The following PTPRD variants were observed in gnomAD, a reference collection of about 807,000 sequenced individuals.
PTPRD encodes the protein receptor-type tyrosine-protein phosphatase delta.
A neutral mutation model predicts 214.5 loss-of-function variants in PTPRD; 34 were observed. The observed-to-expected ratio is 0.16, with a 90% confidence interval of 0.12 to 0.21. The LOEUF (loss-of-function observed/expected upper bound fraction) is 0.21, where lower values mean the gene tolerates loss of function less well. PTPRD is among the 10% of genes least tolerant of loss of function. PTPRD has a pLI of 1.00. For missense variants in PTPRD, 2,545 were observed against 2,398.7 expected, an observed-to-expected ratio of 1.06 and a Z score of -1.27; for synonymous variants, 1,128 against 845.7, an observed-to-expected ratio of 1.33 and a Z score of -5.79.
intron 2 of PTPRD, among the ~76,000 whole-genome samples, chr9:10,539,375 G>T (rs555906908): frequency 6.6e-6 from 1 of 152,206 alleles, no homozygotes; most frequent in East Asian, 1.9e-4. Context: ...AGTAGAGACG[G>T]TTTTTTGCCA....
At position 8,359,118 on chromosome 9, in the gene PTPRD, A is replaced by AC. The variant is rs1249789337; in HGVS notation, c.4661+16817_4661+16818insG. Among the ~76,000 whole-genome samples the AC allele has an allele frequency of 2.1e-3, 48 of 22,540 alleles. 3 individuals carry two copies. The highest frequency in any genetic ancestry group is 6.9e-4 in the Admixed American group (1 of 1,454). The allele number at this position is 22,540 out of a possible 152,430, so 14.8% of individuals were successfully genotyped here. A position where few individuals can be genotyped will look rare whatever the true frequency, so the allele number is the denominator to read the frequency against. ...GCGAGACTCCGTCTCAAAAAAAAAA[A>AC]AAAACAAAAAAAAAAAAAAACAAAA... On this transcript the variant is annotated intron_variant, in intron 39 of 45. Coordinates refer to ENST00000381196, the MANE Select transcript of PTPRD (RefSeq NM_002839.4).
intron 5 of PTPRD, among the ~76,000 whole-genome samples, chr9:9,851,778 T>C (rs1203357499): frequency 6.6e-6 from 1 of 152,174 alleles, no homozygotes; most frequent in African/African-American, 2.4e-5. Context: ...AGACCCTGTC[T>C]CAATTAAAAA....
chr9:9,796,018 T>C (rs529296114), intron 5 of PTPRD, among the ~76,000 whole-genome samples: 14 of 152,184 alleles, frequency 9.2e-5, no homozygotes, highest in Non-Finnish European at 2.1e-4. Context: ...TACAGAATTA[T>C]ATTAAGAAAA....
At chr9:9,952,522 G>C (rs148155826) in intron 4 of PTPRD, among the ~76,000 whole-genome samples, 2 of 152,244 alleles carry the variant, frequency 1.3e-5, no homozygotes, top group African/African-American at 4.8e-5. Context: ...TGCAATGGAA[G>C]ATTGTTTCTC....
At chr9:10,571,902 C>T (rs1265894523) in intron 2 of PTPRD, among the ~76,000 whole-genome samples, 2 of 152,136 alleles carry the variant, frequency 1.3e-5, no homozygotes, top group African/African-American at 2.4e-5. Context: ...AAGGCTTGCT[C>T]GCCCACTACT....
At chr9:9,741,852 T>A (rs1449385992) in intron 6 of PTPRD, among the ~76,000 whole-genome samples, 1 of 152,204 alleles carries the variant, frequency 6.6e-6, no homozygotes, top group African/African-American at 2.4e-5. Context: ...ATCCAGTCTA[T>A]CATTGATGGG....
At position 10,223,882 on chromosome 9, in the gene PTPRD, C is replaced by A. The variant is rs541431161; in HGVS notation, c.-545+117081G>T. 2.0e-5 allele frequency among the ~76,000 whole-genome samples: 3 copies of A among 151,570 alleles called. No homozygotes were observed. In the East Asian group the frequency reaches 5.8e-4, roughly 30 times the overall value. The stretch of plus-strand genomic sequence containing the variant: ...ATAAGAAAAAAATAAACAACTTAAT[C>A]TATACACACTATTCTTCATCACAGT... On this transcript the variant is annotated intron_variant, in intron 3 of 45. Coordinates refer to ENST00000381196, the MANE Select transcript of PTPRD (RefSeq NM_002839.4).
chr9:10,229,663 G>A (rs941133928), intron 3 of PTPRD, among the ~76,000 whole-genome samples: 2 of 149,286 alleles, frequency 1.3e-5, no homozygotes, highest in Non-Finnish European at 3.0e-5. Flanking sequence ...GAGAACACAT[G>A]GACATAGATT....
chr9:10,434,523 G>C (rs1319035700), intron 2 of PTPRD, among the ~76,000 whole-genome samples: 1 of 151,750 alleles, frequency 6.6e-6, no homozygotes, highest in Admixed American at 6.6e-5. Context: ...AGGAGTATCA[G>C]ACATTCTTTC....
At chr9:8,382,524 G>A (rs1295426352) in intron 37 of PTPRD, among the ~76,000 whole-genome samples, 2 of 152,186 alleles carry the variant, frequency 1.3e-5, no homozygotes, top group Non-Finnish European at 2.9e-5. Flanking sequence ...TCTAAGTAGA[G>A]CAGGTGGGGT....
chr9:8,416,680 G>T (rs1279569899), intron 35 of PTPRD, among the ~76,000 whole-genome samples: 1 of 152,104 alleles, frequency 6.6e-6, no homozygotes, highest in Non-Finnish European at 1.5e-5. Flanking sequence ...CACAAGACTA[G>T]ACTGTCTTAC....
intron 7 of PTPRD, among the ~76,000 whole-genome samples, chr9:9,687,277 G>A (rs1232999818): frequency 2.0e-5 from 3 of 151,806 alleles, no homozygotes; most frequent in Non-Finnish European, 4.4e-5. Flanking sequence ...TTGCTAAAAT[G>A]AAGAAACAGG....
intron 11 of PTPRD, among the ~76,000 whole-genome samples, chr9:8,812,159 A>G (rs954121932): frequency 1.3e-5 from 2 of 152,196 alleles, no homozygotes; most frequent in Non-Finnish European, 2.9e-5. Context: ...GAATGGCAAG[A>G]TCCCCAACAG....
intron 2 of PTPRD, among the ~76,000 whole-genome samples, chr9:10,498,157 G>C (rs1255811415): frequency 1.3e-5 from 2 of 151,878 alleles, no homozygotes; most frequent in African/African-American, 4.8e-5. Context: ...GATACTGTTT[G>C]TAATGAGTAG....
rs374932478 is a variant in PTPRD, at chr9:8,703,077, A to C, written c.64+30703T>G. On this transcript the variant is annotated intron_variant, in intron 12 of 45. Coordinates refer to ENST00000381196, the MANE Select transcript of PTPRD (RefSeq NM_002839.4). ...AGTTCACCATAAAAGGGTTCCATCA[A>C]ATCAGCAGAAGAGCTGGTCAGATAC... Among the ~76,000 whole-genome samples, 73 of 152,334 alleles carry C rather than the reference A, an allele frequency of 4.8e-4. No individual in the cohort carries two copies. In the South Asian group the frequency reaches 0.014, roughly 30 times the overall value.
At chr9:9,432,112 A>C (rs975630606) in intron 8 of PTPRD, among the ~76,000 whole-genome samples, 6 of 150,558 alleles carry the variant, frequency 4.0e-5, no homozygotes, top group Non-Finnish European at 8.9e-5. Context: ...AAACAAAGAA[A>C]GGGCACGCAA....
chr9:10,278,091 T>C (rs374333830), intron 3 of PTPRD, among the ~76,000 whole-genome samples: 1 of 150,738 alleles, frequency 6.6e-6, no homozygotes, highest in East Asian at 2.0e-4. Flanking sequence ...ACTTGGGAGG[T>C]GGAGCGAAGA....
At chr9:10,273,621 T>G (rs1465083907) in intron 3 of PTPRD, among the ~76,000 whole-genome samples, 1 of 152,078 alleles carries the variant, frequency 6.6e-6, no homozygotes, top group African/African-American at 2.4e-5. Context: ...ACATATGCAA[T>G]CCACAGTACA....
At chr9:8,782,661 A>G (rs553723429) in intron 11 of PTPRD, among the ~76,000 whole-genome samples, 2 of 150,178 alleles carry the variant, frequency 1.3e-5, no homozygotes, top group South Asian at 2.1e-4. Context: ...GCAGTGGCAC[A>G]ATCTCGGCTC....
Sources: allele counts gnomAD v4.1 joint callset (sites outside exome capture counted in the v4.1 genomes callset), GRCh38; gene constraint gnomAD v4.1.1; transcripts MANE v1.5; gene names NCBI Gene and HGNC (gene_info 2026-07-23, HGNC 2026-07-21).